Variants in INSC observed in about 807,000 individuals in gnomAD.
INSC encodes protein inscuteable homolog.
A neutral mutation model predicts 58.6 loss-of-function variants in INSC; 67 were observed. The observed-to-expected ratio is 1.14, with a 90% CI of 0.94 to 1.40. INSC has a LOEUF of 1.40. Among genes scored for constraint, INSC ranks in the 40% most tolerant of loss-of-function variants. The pLI, the probability that INSC is intolerant of heterozygous loss-of-function variation, is 0.00. For synonymous variants in INSC, 262 were observed against 276.1 expected, an observed-to-expected ratio of 0.95 and a Z score of 0.51; for missense variants, 714 against 692.0, an observed-to-expected ratio of 1.03 and a Z score of -0.36.
At chr11:15,204,712 C>G (rs1210302787) in intron 7 of INSC, among the ~76,000 whole-genome samples, 1 of 152,204 alleles carries the variant, frequency 6.6e-6, no homozygotes, top group Admixed American at 6.5e-5. Flanking sequence ...ACCCACTCAC[C>G]GGGCATGGTT....
intron 2 of INSC, among the ~76,000 whole-genome samples, chr11:15,150,202 G>A (rs964830805): frequency 6.6e-6 from 1 of 152,190 alleles, no homozygotes; most frequent in Non-Finnish European, 1.5e-5. Flanking sequence ...TGTTAATTGT[G>A]TATGTACTAG....
chr11:15,239,041 C>A lies in INSC; in HGVS notation c.1360C>A (p.Pro454Thr), dbSNP rs1305962435. 6.2e-7 allele frequency: 1 copy of A among 1,613,960 alleles called. No individual in the cohort carries two copies. Among genetic ancestry groups the A allele is most frequent in the East Asian group, 2.2e-5 (1 of 44,874 alleles). The change falls in exon 11 of 13, where the codon CCA (proline) becomes ACA (threonine). Residue 454 changes from proline (P) to threonine (T), a missense_variant. Coordinates refer to ENST00000379556, the MANE Select transcript of INSC (RefSeq NM_001042536.3). The stretch of plus-strand genomic sequence containing the variant: ...GACCCTGGCTCGTCTCAGCCGAGAC[C>A]CAGATGTGGCACGGGAGGCCGTGCG... ...AVTLARLSRD[P>T]DVAREAVRLS... is the part of the protein sequence containing the mutation.
At chr11:15,155,831 T>C (rs1848797352) in intron 2 of INSC, among the ~76,000 whole-genome samples, 1 of 152,182 alleles carries the variant, frequency 6.6e-6, no homozygotes, top group East Asian at 1.9e-4. Flanking sequence ...CCCTAGAGTT[T>C]TGGGGACACT....
At chr11:15,196,057 G>A (rs1183721907) in intron 6 of INSC, among the ~76,000 whole-genome samples, 1 of 152,088 alleles carries the variant, frequency 6.6e-6, no homozygotes, top group Non-Finnish European at 1.5e-5. Flanking sequence ...GCTACTCAGG[G>A]ATCTCCCATG....
intron 6 of INSC, among the ~76,000 whole-genome samples, chr11:15,192,758 TA>T (rs1448408875): frequency 6.6e-6 from 1 of 152,190 alleles, no homozygotes; most frequent in East Asian, 1.9e-4. Flanking sequence ...GTATTTTAAA[TA>T]ACCTCCCTTA....
chr11:15,124,053 C>T (rs1387288219), intron 1 of INSC, among the ~76,000 whole-genome samples: 2 of 152,242 alleles, frequency 1.3e-5, no homozygotes, highest in African/African-American at 4.8e-5. Flanking sequence ...TCCTCACTCA[C>T]TCATTCAACT....
At chr11:15,190,975 T>C (rs1292295242) in intron 6 of INSC, among the ~76,000 whole-genome samples, 161 bp downstream of exon 6, 1 of 149,108 alleles carries the variant, frequency 6.7e-6, no homozygotes, top group Non-Finnish European at 1.5e-5. Flanking sequence ...ACTTGGTGTG[T>C]GCATTTTTTT....
intron 9 of INSC, among the ~76,000 whole-genome samples, chr11:15,226,112 C>A (rs986067272): frequency 7.2e-5 from 11 of 152,068 alleles, no homozygotes; most frequent in African/African-American, 2.7e-4. Flanking sequence ...CCTACGAGAT[C>A]TCCTACCTGC....
chr11:15,260,269 C>T, the INSC span, among the ~76,000 whole-genome samples: 1 of 152,094 alleles, frequency 6.6e-6, no homozygotes, highest in Admixed American at 6.6e-5. Context: ...TCATCTGGGT[C>T]CACCCATTTA....
chr11:15,176,936 C>T (rs1849592144), intron 3 of INSC, among the ~76,000 whole-genome samples, 175 bp from the exon 4 acceptor site: 2 of 152,196 alleles, frequency 1.3e-5, no homozygotes, highest in African/African-American at 4.8e-5. Context: ...ACTCCCAAAG[C>T]AGCCTACCGT....
At chr11:15,225,189 A>T (rs1851585627) in intron 8 of INSC, among the ~76,000 whole-genome samples, 1 of 152,162 alleles carries the variant, frequency 6.6e-6, no homozygotes, top group South Asian at 2.1e-4. Flanking sequence ...ATTCTTAGGG[A>T]CACCTTTTGT....
chr11:15,113,737 G>C (rs753290770), upstream of INSC, among the ~76,000 whole-genome samples: 1 of 152,176 alleles, frequency 6.6e-6, no homozygotes, highest in South Asian at 2.1e-4. Context: ...TGGGCCCCCA[G>C]AGAGCTGAGG....
At chr11:15,233,321 C>G (rs975193385) in intron 9 of INSC, among the ~76,000 whole-genome samples, 3 of 152,288 alleles carry the variant, frequency 2.0e-5, no homozygotes, top group African/African-American at 7.2e-5. Flanking sequence ...CACTCTGCCC[C>G]CTGACAGCAT....
chr11:15,183,819 G>A (rs1317744456), intron 5 of INSC, among the ~76,000 whole-genome samples: 4 of 152,028 alleles, frequency 2.6e-5, no homozygotes, highest in South Asian at 2.1e-4. Flanking sequence ...TACAGATACA[G>A]GTTTTACATT....
In INSC at chr11:15,201,257, G is replaced by A. The variant is rs1850580471; in HGVS notation, c.819+308G>A. Among the ~76,000 whole-genome samples the A allele has an allele frequency of 2.0e-5, 3 of 152,134 alleles. No individual in the cohort carries two copies. The South Asian group carries it at 6.2e-4, about 32-fold the overall frequency. On this transcript the variant is annotated intron_variant, in intron 7 of 12. Transcript: ENST00000379556. ...ATGGTAGGAGGCAGGCAAGTCAGGT[G>A]TTGGTGCTGGGGTTCAGGGTGGTTG...
At chr11:15,127,146 G>A (rs1590335311) in intron 1 of INSC, among the ~76,000 whole-genome samples, 1 of 152,298 alleles carries the variant, frequency 6.6e-6, no homozygotes, top group East Asian at 1.9e-4. Flanking sequence ...AGCCCACAGG[G>A]AGATTAACAG....
At chr11:15,222,808 G>T (rs1425367373) in intron 8 of INSC, among the ~76,000 whole-genome samples, 1 of 152,158 alleles carries the variant, frequency 6.6e-6, no homozygotes, top group Admixed American at 6.5e-5. Context: ...AAATCAATTT[G>T]CCAATGTCCA....
At chr11:15,174,051 AG>A (rs912644994) in intron 2 of INSC, among the ~76,000 whole-genome samples, 6 of 152,112 alleles carry the variant, frequency 3.9e-5, no homozygotes, top group Non-Finnish European at 8.8e-5. Context: ...ACAGCCCCAT[AG>A]GATCTACTCC....
At chr11:15,244,826 C>G (rs906731753) in intron 12 of INSC, among the ~76,000 whole-genome samples, 4 of 152,046 alleles carry the variant, frequency 2.6e-5, no homozygotes, top group Non-Finnish European at 5.9e-5. Flanking sequence ...GGAGGGGCAC[C>G]TTGTTCCCTG....
Sources: allele counts gnomAD v4.1 joint callset (sites outside exome capture counted in the v4.1 genomes callset), GRCh38; gene constraint gnomAD v4.1.1; transcripts MANE v1.5; gene names NCBI Gene and HGNC (gene_info 2026-07-23, HGNC 2026-07-21).